Variants in SLCO4C1 observed in about 807,000 individuals in gnomAD.
The protein encoded by SLCO4C1 is organic anion transporter M1.
A neutral mutation model predicts 72.1 loss-of-function variants in SLCO4C1; 58 were observed. That is an observed-to-expected ratio of 0.80 (90% CI 0.65 to 1.00). SLCO4C1 has a LOEUF of 1.00. SLCO4C1 is among the 50% of genes least tolerant of loss of function. The pLI is 0.00. For missense variants in SLCO4C1, 898 were observed against 857.9 expected, an observed-to-expected ratio of 1.05 and a Z score of -0.58; for synonymous variants, 297 against 312.5, an observed-to-expected ratio of 0.95 and a Z score of 0.52.
intron 2 of SLCO4C1, among the ~76,000 whole-genome samples, chr5:102,279,397 AAAGAT>A (rs1380829106): frequency 5.3e-5 from 8 of 152,058 alleles, no homozygotes; most frequent in Non-Finnish European, 1.2e-4. Context: ...AATTACTATT[AAAGAT>A]AACTATTAAG....
chr5:102,236,911 C>T lies in SLCO4C1; in HGVS notation c.2122G>A (p.Val708Met), dbSNP rs1229436637. Reference sequence around the variant, plus strand: ...TCCTGTTCTGCTAAAACATTAGTCACAACTGCATTCTCTTTATGAAATGAC... The same window carrying T: ...TCCTGTTCTGCTAAAACATTAGTCATAACTGCATTCTCTTTATGAAATGAC... ...DVSFHKENAV[V>M]TNVLAEQDLN... is the part of the protein sequence containing the mutation. The change falls in exon 13 of 13, where the codon GTG becomes ATG. Residue 708 changes from valine (V) to methionine (M), a missense_variant. By Grantham distance (21) the Val-to-Met change is conservative. Transcript: ENST00000310954. The T allele has an allele frequency of 1.2e-6, 2 of 1,612,968 alleles. No homozygotes were observed. Among genetic ancestry groups the T allele is most frequent in the East Asian group, 4.5e-5 (2 of 44,764 alleles).
intron 10 of SLCO4C1, among the ~76,000 whole-genome samples, chr5:102,242,031 G>A (rs751905437): frequency 2.6e-5 from 4 of 152,164 alleles, no homozygotes; most frequent in African/African-American, 7.2e-5. Flanking sequence ...GAATCTCTTG[G>A]GGTGGGGAGG....
intron 2 of SLCO4C1, among the ~76,000 whole-genome samples, chr5:102,287,410 T>C (rs906048658): frequency 7.2e-5 from 11 of 152,118 alleles, no homozygotes; most frequent in Non-Finnish European, 1.5e-4. Context: ...AAGCATACAC[T>C]TTTGAAAAAC....
chr5:102,281,339 CT>C (rs1021986792), intron 2 of SLCO4C1, among the ~76,000 whole-genome samples: 8 of 151,930 alleles, frequency 5.3e-5, no homozygotes, highest in Non-Finnish European at 8.8e-5. Flanking sequence ...AACTATAAAA[CT>C]TTTTTTAAAA....
chr5:102,265,188 G>A (rs1453347724), intron 3 of SLCO4C1, among the ~76,000 whole-genome samples: 1 of 152,008 alleles, frequency 6.6e-6, no homozygotes, highest in East Asian at 1.9e-4. Flanking sequence ...CTGTTGAGTT[G>A]TTAAAGTTCT....
chr5:102,260,019 T>A (rs1012778906), intron 6 of SLCO4C1, among the ~76,000 whole-genome samples, 194 bp downstream of exon 6: 11 of 151,888 alleles, frequency 7.2e-5, no homozygotes, highest in Admixed American at 4.6e-4. Context: ...TTTGCATGTG[T>A]GGGTATGTGT....
intron 9 of SLCO4C1, among the ~76,000 whole-genome samples, chr5:102,249,176 C>A (rs189532232): frequency 1.3e-5 from 2 of 152,142 alleles, no homozygotes; most frequent in Non-Finnish European, 2.9e-5. Flanking sequence ...CACTGCTCCA[C>A]TTACATGCGG....
chr5:102,273,230 C>T (rs909952790), intron 2 of SLCO4C1, among the ~76,000 whole-genome samples: 6 of 151,632 alleles, frequency 4.0e-5, no homozygotes, highest in African/African-American at 1.5e-4. Context: ...AGAATTCAGA[C>T]AAAGGCAATC....
At chr5:102,263,349 C>A (rs1005318574) in intron 4 of SLCO4C1, among the ~76,000 whole-genome samples, 5 of 152,198 alleles carry the variant, frequency 3.3e-5, no homozygotes, top group African/African-American at 1.2e-4. Flanking sequence ...CTAGTCCCAA[C>A]TAAATCTATG....
At chr5:102,291,653 G>A (rs769691666) in intron 1 of SLCO4C1, 47 bp from the exon 2 acceptor site, 7 of 1,466,060 alleles carry the variant, frequency 4.8e-6, no homozygotes, top group East Asian at 2.3e-5. Flanking sequence ...TTTACCATAC[G>A]ATTAAGATTA....
rs554902920 is a variant in SLCO4C1, at chr5:102,292,595, T to C, written c.356-989A>G. Among the ~76,000 whole-genome samples, 121 of 152,076 alleles carry C rather than the reference T, an allele frequency of 8.0e-4. 2 individuals carry two copies. In the South Asian group the frequency reaches 0.025, roughly 31 times the overall value. On this transcript the variant is annotated intron_variant, in intron 1 of 12. Coordinates refer to ENST00000310954, the MANE Select transcript of SLCO4C1 (RefSeq NM_180991.5). Reference sequence around the variant, plus strand: ...AAGGATTCTAGAGCAAAAGTAAACATAAGTCTTTCAACCACTTGCATTCTA... The same window carrying C: ...AAGGATTCTAGAGCAAAAGTAAACACAAGTCTTTCAACCACTTGCATTCTA...
intron 3 of SLCO4C1, among the ~76,000 whole-genome samples, chr5:102,266,023 G>A (rs866141632): frequency 2.2e-4 from 34 of 151,924 alleles, no homozygotes; most frequent in Admixed American, 5.2e-4. Context: ...AAAGATTCTC[G>A]CCTCCTGGGT....
At position 102,296,020 on chromosome 5, in the gene SLCO4C1, G is replaced by C. The variant is rs750282618; in HGVS notation, c.243C>G (p.Ser81=). The C allele has an allele frequency of 4.3e-6, 7 of 1,614,246 alleles. No individual in the cohort carries two copies. Among genetic ancestry groups the C allele is most frequent in the South Asian group, 1.1e-5 (1 of 91,088 alleles). ...AGCCGTAAGACCCCTCCTCAAACTC[G>C]GACAGCGACAGTGACCGGAGCTTCT... The part of the protein sequence containing the change: ...SEEKLRSLSL[S]EFEEGSYGWR... Residue 81 remains serine, a synonymous_variant, in exon 1 of 13, where the codon TCC becomes TCG. Coordinates refer to ENST00000310954, the MANE Select transcript of SLCO4C1 (RefSeq NM_180991.5).
intron 2 of SLCO4C1, among the ~76,000 whole-genome samples, chr5:102,287,382 T>A (rs10078945): frequency 0.19 from 28,821 of 151,972 alleles, 3,676 homozygotes; most frequent in Non-Finnish European, 0.25. Flanking sequence ...ATATAGTTAA[T>A]AACTTAGTAT....
chr5:102,237,080 G>T, intron 12 of SLCO4C1, 62 bp from the exon 13 acceptor site: 1 of 1,430,538 alleles, frequency 7.0e-7, no homozygotes. Context: ...AATTATCACT[G>T]AGAAAAATCT....
chr5:102,260,699 TTC>T (rs1554057900), intron 5 of SLCO4C1, among the ~76,000 whole-genome samples: 2 of 152,030 alleles, frequency 1.3e-5, no homozygotes, highest in Non-Finnish European at 2.9e-5. Context: ...TTTCAAATGG[TTC>T]TCTTTTTGAT....
intron 2 of SLCO4C1, among the ~76,000 whole-genome samples, chr5:102,290,874 A>G (rs565783740): frequency 1.3e-5 from 2 of 152,330 alleles, no homozygotes; most frequent in African/African-American, 2.4e-5. Flanking sequence ...CTGAAGTTCT[A>G]TGTTTCTTAT....
At chr5:102,287,022 G>C (rs954468442) in intron 2 of SLCO4C1, among the ~76,000 whole-genome samples, 3 of 152,028 alleles carry the variant, frequency 2.0e-5, no homozygotes, top group African/African-American at 7.2e-5. Context: ...GCACAGAAGG[G>C]TATGTTAATT....
At position 102,261,995 on chromosome 5, in the gene SLCO4C1, GCTC is replaced by G; in HGVS notation, c.935_937del (p.Gly312del). 1.2e-6 allele frequency: 2 copies of G among 1,612,948 alleles called. No individual in the cohort carries two copies. The highest frequency in any genetic ancestry group is 1.7e-6 in the Non-Finnish European group (2 of 1,179,354). Reference sequence around the variant, plus strand: ...TGATAGAAGAAACCCAATCCACCAAGCTCCCAACCATCGCGGATCATCCTCAGT... The same window carrying G: ...TGATAGAAGAAACCCAATCCACCAAGCCAACCATCGCGGATCATCCTCAGT... On this transcript the variant is annotated inframe_deletion, in exon 5 of 13. Transcript: ENST00000310954.
Sources: allele counts gnomAD v4.1 joint callset (sites outside exome capture counted in the v4.1 genomes callset), GRCh38; gene constraint gnomAD v4.1.1; transcripts MANE v1.5; gene names NCBI Gene and HGNC (gene_info 2026-07-23, HGNC 2026-07-21).